The following GYS2 variants were observed in gnomAD, a reference collection of about 807,000 sequenced individuals.
GYS2 encodes glycogen synthase 2, also known as glycogen [starch] synthase, liver.
A neutral mutation model predicts 85.6 loss-of-function variants in GYS2; 80 were observed. The observed-to-expected ratio is 0.93, with a 90% CI of 0.78 to 1.13. GYS2 has a LOEUF of 1.13. GYS2 is among the 50% of genes most tolerant of loss of function. GYS2 has a pLI of 0.00. For synonymous variants in GYS2, 328 were observed against 300.7 expected (o/e 1.09, Z -0.94); for missense variants, 881 against 854.9 (o/e 1.03, Z -0.38).
chr12:21,545,706 A>G (rs1478752915), intron 12 of GYS2, among the ~76,000 whole-genome samples: 1 of 152,204 alleles, frequency 6.6e-6, no homozygotes, highest in East Asian at 1.9e-4. Flanking sequence ...AATAAAATAA[A>G]ATAAAATAAC....
At chr12:21,542,899 A>G (rs1943996028) in intron 12 of GYS2, among the ~76,000 whole-genome samples, 1 of 152,210 alleles carries the variant, frequency 6.6e-6, no homozygotes. Context: ...CCGGCTGCAG[A>G]ACCCTTGTGC....
intron 11 of GYS2, among the ~76,000 whole-genome samples, chr12:21,548,806 A>G (rs1209391245): frequency 6.6e-6 from 1 of 152,050 alleles, no homozygotes; most frequent in East Asian, 1.9e-4. Flanking sequence ...ACAATGTGCT[A>G]TTTTTCCCAG....
At chr12:21,562,794 T>A (rs1944270872) in intron 7 of GYS2, 124 bp downstream of exon 7, 1 of 1,051,690 alleles carries the variant, frequency 9.5e-7, no homozygotes, top group Admixed American at 1.9e-5. Flanking sequence ...GCTGAAGCCA[T>A]TTTTAGAATA....
chr12:21,592,932 C>A (rs959330286), intron 1 of GYS2, among the ~76,000 whole-genome samples: 1 of 151,972 alleles, frequency 6.6e-6, no homozygotes, highest in African/African-American at 2.4e-5. Context: ...TATTAAGCAT[C>A]TTCTCAGACC....
chr12:21,536,883 G>C lies in GYS2; in HGVS notation c.*71C>G. ...TTAGAAGGAGAAAATGAAATTTGTG[G>C]CATTTTTATTTTAAATAATTAGTCT... is the stretch of plus-strand genomic sequence containing the variant. On this transcript the variant is annotated 3_prime_UTR_variant, in exon 16 of 16. Transcript: ENST00000261195. 9.6e-7 allele frequency: 1 copy of C among 1,041,454 alleles called. No individual in the cohort carries two copies. Among genetic ancestry groups the C allele is most frequent in the Non-Finnish European group, 1.5e-6 (1 of 668,120 alleles). 64.5% of individuals were successfully genotyped at this position (1,041,454 alleles called of 1,614,324 possible).
At chr12:21,587,166 T>C (rs187912299) in intron 1 of GYS2, among the ~76,000 whole-genome samples, 6 of 152,222 alleles carry the variant, frequency 3.9e-5, no homozygotes, top group Admixed American at 3.9e-4. Context: ...AATGAAATAA[T>C]AGACACTTGA....
chr12:21,599,868 C>T (rs1175729549), intron 1 of GYS2, among the ~76,000 whole-genome samples: 2 of 152,072 alleles, frequency 1.3e-5, no homozygotes, highest in Non-Finnish European at 2.9e-5. Flanking sequence ...TAAGCTAATA[C>T]CTACAGAGTG....
intron 10 of GYS2, among the ~76,000 whole-genome samples, chr12:21,558,685 A>G (rs1944213374): frequency 6.6e-6 from 1 of 152,160 alleles, no homozygotes; most frequent in East Asian, 1.9e-4. Flanking sequence ...CTATTATAAC[A>G]AGCATTCTGA....
At chr12:21,598,781 G>A (rs774260902) in intron 1 of GYS2, among the ~76,000 whole-genome samples, 1 of 152,032 alleles carries the variant, frequency 6.6e-6, no homozygotes, top group Admixed American at 6.6e-5. Context: ...TTTTACCACA[G>A]CGTAGGTCAT....
chr12:21,585,648 T>C (rs994326998), intron 1 of GYS2, among the ~76,000 whole-genome samples: 2 of 151,662 alleles, frequency 1.3e-5, no homozygotes, highest in African/African-American at 4.8e-5. Context: ...AAGGTAGTCA[T>C]CAATACCAGC....
downstream of GYS2, chr12:21,532,631 T>C (rs1052869901): frequency 3.3e-5 from 5 of 152,234 alleles, no homozygotes; most frequent in Non-Finnish European, 7.3e-5. Context: ...GTCTTTTATT[T>C]ATACAGTCCT....
At chr12:21,574,982 T>C (rs1944429034) in intron 3 of GYS2, among the ~76,000 whole-genome samples, 1 of 152,126 alleles carries the variant, frequency 6.6e-6, no homozygotes, top group African/African-American at 2.4e-5. Context: ...GGATTTTCAA[T>C]GACTTGAAAA....
chr12:21,595,004 A>G (rs562286539), intron 1 of GYS2, among the ~76,000 whole-genome samples: 1 of 152,290 alleles, frequency 6.6e-6, no homozygotes, highest in Non-Finnish European at 1.5e-5. Flanking sequence ...GAAAGGACAC[A>G]GTGTTCAAGA....
At chr12:21,600,899 G>C (rs1944749173) in intron 1 of GYS2, among the ~76,000 whole-genome samples, 1 of 152,052 alleles carries the variant, frequency 6.6e-6, no homozygotes, top group Admixed American at 6.6e-5. Context: ...GAGGTGTAGT[G>C]TCAAGACTGA....
At chr12:21,584,155 G>A (rs1261392660) in intron 1 of GYS2, among the ~76,000 whole-genome samples, 1 of 152,218 alleles carries the variant, frequency 6.6e-6, no homozygotes, top group Non-Finnish European at 1.5e-5. Flanking sequence ...GCAGAACTTT[G>A]AGCAGTGTGC....
At position 21,536,510 on chromosome 12, in the gene GYS2, G is replaced by A; in HGVS notation, c.*444C>T. 5.3e-6 allele frequency: 1 copy of A among 189,616 alleles called. No homozygotes were observed. The highest frequency in any genetic ancestry group is 2.4e-3 in the Middle Eastern group (1 of 414). 11.7% of individuals were successfully genotyped at this position (189,616 alleles called of 1,614,324 possible). Reference sequence around the variant, plus strand: ...AATGAAAATAATCAGTAAAAACCTAGCTATTTAAAAAATGTAGGTAGTGCA... The same window carrying A: ...AATGAAAATAATCAGTAAAAACCTAACTATTTAAAAAATGTAGGTAGTGCA... On this transcript the variant is annotated 3_prime_UTR_variant, in exon 16 of 16. Transcript: ENST00000261195.
intron 5 of GYS2, among the ~76,000 whole-genome samples, chr12:21,564,658 A>C (rs1944296730): frequency 6.6e-6 from 1 of 152,208 alleles, no homozygotes. Context: ...TCATGTGAAT[A>C]ATTCCTAAAT....
intron 7 of GYS2, among the ~76,000 whole-genome samples, chr12:21,561,141 T>G (rs1278600167): frequency 1.3e-5 from 2 of 152,174 alleles, no homozygotes; most frequent in African/African-American, 4.8e-5. Flanking sequence ...CTAATAATCA[T>G]GTACAATAGG....
At chr12:21,587,126 G>T (rs1472819444) in intron 1 of GYS2, among the ~76,000 whole-genome samples, 1 of 152,174 alleles carries the variant, frequency 6.6e-6, no homozygotes, top group African/African-American at 2.4e-5. Flanking sequence ...CCAAGTGGGA[G>T]CTAAACGATG....
Sources: gnomAD v4.1 joint callset for allele counts (sites outside exome capture counted in the v4.1 genomes callset) on GRCh38, gnomAD v4.1.1 for gene constraint, MANE v1.5 for transcripts, NCBI Gene and HGNC (gene_info 2026-07-23, HGNC 2026-07-21) for gene names.